USP33: variants seen among roughly 807,000 people sequenced by gnomAD.
USP33 encodes the protein ubiquitin carboxyl-terminal hydrolase 33.
A neutral mutation model predicts 124.2 loss-of-function variants in USP33; 46 were observed. That is an observed-to-expected ratio of 0.37 (90% confidence interval 0.29 to 0.47). USP33 has a LOEUF of 0.47. Among genes scored for constraint, USP33 ranks in the 20% least tolerant of loss-of-function variants. USP33 has a pLI of 0.99. For synonymous variants in USP33, 350 were observed against 352.3 expected (o/e 0.99, Z 0.07); for missense variants, 851 against 1,070.6 (o/e 0.79, Z 2.86).
intron 1 of USP33, among the ~76,000 whole-genome samples, chr1:77,742,158 A>G (rs1450695365): frequency 6.6e-6 from 1 of 152,126 alleles, no homozygotes; most frequent in African/African-American, 2.4e-5. Flanking sequence ...GAGTTGAAAA[A>G]AAAAAACTTC....
intron 1 of USP33, among the ~76,000 whole-genome samples, chr1:77,755,089 G>A (rs1680676429): frequency 1.3e-5 from 2 of 152,086 alleles, no homozygotes. Flanking sequence ...CAAATAAGCT[G>A]ATGATAATTT....
At chr1:77,700,447 A>T (rs1282077245) in intron 22 of USP33, among the ~76,000 whole-genome samples, 1 of 152,084 alleles carries the variant, frequency 6.6e-6, no homozygotes, top group Non-Finnish European at 1.5e-5. Context: ...AATTGTAAAA[A>T]ATAATTTTTA....
At chr1:77,757,914 A>G (rs1318142442) in intron 1 of USP33, among the ~76,000 whole-genome samples, 1 of 152,220 alleles carries the variant, frequency 6.6e-6, no homozygotes, top group Non-Finnish European at 1.5e-5. Flanking sequence ...TTCTAATACT[A>G]CTACATAAAT....
At chr1:77,715,300 G>A (rs1388401341) in intron 18 of USP33, among the ~76,000 whole-genome samples, 5 of 151,938 alleles carry the variant, frequency 3.3e-5, no homozygotes, top group Non-Finnish European at 5.9e-5. Flanking sequence ...CCCACCCGCC[G>A]GGTTCAAGCG....
chr1:77,740,058 G>A (rs1557860520), intron 4 of USP33, among the ~76,000 whole-genome samples: 1 of 152,246 alleles, frequency 6.6e-6, no homozygotes, highest in Non-Finnish European at 1.5e-5. Context: ...AGTTGATGCT[G>A]TAGAGGTATC....
At chr1:77,749,998 T>G (rs1243420197) in intron 1 of USP33, among the ~76,000 whole-genome samples, 2 of 152,254 alleles carry the variant, frequency 1.3e-5, no homozygotes, top group Non-Finnish European at 2.9e-5. Context: ...GCTCTGCTAT[T>G]AATTTTGCAT....
rs58750531 is a variant in USP33 at position 77,702,141 on chromosome 1, C to CAAAAAAAAAAAAAAAAAAAAA, written c.2407-691_2407-671dup. On this transcript the variant is annotated intron_variant, in intron 21 of 23. Coordinates refer to ENST00000370794, the MANE Select transcript of USP33 (RefSeq NM_201624.3). ...TGGGTGACAGAACAAGACCCTGTCT[C>CAAAAAAAAAAAAAAAAAAAAA]AAAAAAAAAAAAAAAAAAAAAAAAA... Among the ~76,000 whole-genome samples the CAAAAAAAAAAAAAAAAAAAAA allele has an allele frequency of 1.5e-3, 24 of 15,784 alleles. 2 individuals are homozygous for CAAAAAAAAAAAAAAAAAAAAA. Among genetic ancestry groups the CAAAAAAAAAAAAAAAAAAAAA allele is most frequent in the African/African-American group, 2.9e-3 (23 of 7,804 alleles). The allele number at this position is 15,784 out of a possible 152,430, so 10.4% of individuals were successfully genotyped here.
Position 77,697,186 on chromosome 1 carries a change from A to G in USP33, c.*131T>C, listed in dbSNP as rs766205869. 30 of 870,674 alleles carry G rather than the reference A, an allele frequency of 3.4e-5. No homozygotes were observed. The highest frequency in any genetic ancestry group is 3.9e-5 in the Non-Finnish European group (23 of 584,906). The allele number at this position is 870,674 out of a possible 1,614,324, so 53.9% of individuals were successfully genotyped here. ...ATATATTCTTCCATAATGCCCACTA[A>G]GAAGAAATAAATGGGATAAATGATG... On this transcript the variant is annotated 3_prime_UTR_variant, in exon 24 of 24. Transcript: ENST00000370794.
chr1:77,728,544 T>C lies in USP33; in HGVS notation c.886A>G (p.Ser296Gly), dbSNP rs776950875. ...CCATTTTCATTTTCTGCTCTATCAC[T>C]GTTGCTACAAGATTCACAAGACTGA... ...DFQSCESCSN[S>G]DRAENENGSR... The change falls in exon 10 of 24, where the codon AGT becomes GGT. Residue 296 changes from serine (S) to glycine (G), a missense_variant. By Grantham distance (56) the Ser-to-Gly change is moderately conservative (BLOSUM62 0). Around this residue, in one of 4 missense-constraint regions of USP33, gnomAD observed 207 missense variants for 200.9 expected, o/e 1.03. Transcript: ENST00000370794. 6 of 1,614,190 alleles carry C rather than the reference T, an allele frequency of 3.7e-6. No individual in the cohort carries two copies. Among genetic ancestry groups the C allele is most frequent in the Admixed American group, 1.7e-5 (1 of 60,030 alleles).
chr1:77,717,788 A>T, intron 17 of USP33, 79 bp downstream of exon 17: 1 of 1,302,788 alleles, frequency 7.7e-7, no homozygotes, highest in Non-Finnish European at 1.0e-6. Flanking sequence ...GGCTGGTATT[A>T]CAGGTATGAG....
At chr1:77,718,540 T>C (rs1676175981) in intron 16 of USP33, 56 bp downstream of exon 16, 1 of 1,339,140 alleles carries the variant, frequency 7.5e-7, no homozygotes, top group African/African-American at 1.5e-5. Context: ...TTTTGTTACA[T>C]TAATACTTTA....
At position 77,734,509 on chromosome 1, in the gene USP33, G is replaced by A. The variant is rs1570815583; in HGVS notation, c.455-93C>T. 5 of 744,410 alleles carry A rather than the reference G, an allele frequency of 6.7e-6. No homozygotes were observed. In the South Asian group the frequency reaches 7.2e-5, roughly 11 times the overall value. 46.1% of individuals were successfully genotyped at this position (744,410 alleles called of 1,614,324 possible). On this transcript the variant is annotated intron_variant, in intron 6 of 23. Transcript: ENST00000370794. ...TAATATGGTTCCCAAATTACATTAA[G>A]GACCACGGAAATACAATATAGCAAC...
intron 7 of USP33, among the ~76,000 whole-genome samples, chr1:77,733,352 C>T (rs1262928275): frequency 6.6e-6 from 1 of 151,008 alleles, no homozygotes; most frequent in Non-Finnish European, 1.5e-5. Context: ...AAAATCGTGC[C>T]ACTGCACTCT....
At chr1:77,737,194 T>C (rs1194617436) in intron 5 of USP33, among the ~76,000 whole-genome samples, 2 of 152,166 alleles carry the variant, frequency 1.3e-5, no homozygotes, top group African/African-American at 4.8e-5. Flanking sequence ...GGAAACTGAA[T>C]AGCAGAAAGA....
intron 7 of USP33, among the ~76,000 whole-genome samples, chr1:77,733,457 T>G (rs910852543): frequency 3.3e-5 from 5 of 151,476 alleles, no homozygotes; most frequent in Non-Finnish European, 7.4e-5. Context: ...TTAATAAAAA[T>G]TAGGTTATCT....
Position 77,717,892 on chromosome 1 carries a change from G to A in USP33, c.1893C>T (p.Val631=). 3 of 1,611,110 alleles carry A rather than the reference G, an allele frequency of 1.9e-6. No homozygotes were observed. The highest frequency in any genetic ancestry group is 2.2e-5 in the South Asian group (2 of 90,100). The change falls in exon 17 of 24, where the codon GTC becomes GTT. Residue 631 remains valine (V), a synonymous_variant. Coordinates refer to ENST00000370794, the MANE Select transcript of USP33 (RefSeq NM_201624.3). ...AQIVTYDLLS[V]ICHHGTASSG... is the part of the protein sequence containing the mutation. ...TACTTGCAGTTCCATGATGGCAAAT[G>A]ACTGACAGAAGATCATATGTCACAA...
rs976055825 is a variant in USP33 at position 77,739,569 on chromosome 1, A to G, written c.199-152T>C. 1.4e-5 allele frequency: 10 copies of G among 695,738 alleles called. No individual in the cohort carries two copies. In the Admixed American group the frequency reaches 3.3e-4, roughly 23 times the overall value. 43.1% of individuals were successfully genotyped at this position (695,738 alleles called of 1,614,324 possible). ...TTAGAACATGAAAAAAATTCTTTAG[A>G]TAAACTTCTAAGGTATAATAAACAG... On this transcript the variant is annotated intron_variant, in intron 4 of 23. Transcript: ENST00000370794.
At chr1:77,709,160 T>A (rs1674954379) in intron 21 of USP33, among the ~76,000 whole-genome samples, 1 of 152,212 alleles carries the variant, frequency 6.6e-6, no homozygotes, top group African/African-American at 2.4e-5. Flanking sequence ...TATTTATTTA[T>A]ACCAATATGG....
chr1:77,732,011 G>A (rs1677874991), intron 7 of USP33, among the ~76,000 whole-genome samples: 1 of 151,582 alleles, frequency 6.6e-6, no homozygotes, highest in African/African-American at 2.4e-5. Context: ...GGCTGAGGCA[G>A]GAAGAACCCT....
Sources: gnomAD v4.1 joint callset for allele counts (sites outside exome capture counted in the v4.1 genomes callset) on GRCh38, gnomAD v4.1.1 for gene constraint, gnomAD v4.1.1 regional missense constraint, MANE v1.5 for transcripts, NCBI Gene and HGNC (gene_info 2026-07-23, HGNC 2026-07-21) for gene names.